Variants in UFSP2 observed in about 807,000 individuals in gnomAD.
UFSP2 encodes the protein ufm1-specific protease 2.
A neutral mutation model predicts 60.2 loss-of-function variants in UFSP2; 43 were observed. The ratio of observed to expected loss-of-function variants is 0.71; its 90% confidence interval spans 0.56 to 0.92. The LOEUF is 0.92. Among genes scored for constraint, UFSP2 ranks in the 40% least tolerant of loss-of-function variants. The pLI is 0.00. For missense variants in UFSP2, 520 were observed against 575.0 expected, an observed-to-expected ratio of 0.90 and a Z score of 0.98; for synonymous variants, 183 against 195.1, an observed-to-expected ratio of 0.94 and a Z score of 0.52.
At chr4:185,406,007 A>C in intron 9 of UFSP2, 151 bp from the exon 10 acceptor site, 1 of 1,491,440 alleles carries the variant, frequency 6.7e-7, no homozygotes, top group South Asian at 1.2e-5. Context: ...GGGAACTGAG[A>C]GCAATTAAAC....
At chr4:185,406,330 G>C (rs1385193040) in intron 9 of UFSP2, among the ~76,000 whole-genome samples, 3 of 152,140 alleles carry the variant, frequency 2.0e-5, no homozygotes, top group Non-Finnish European at 4.4e-5. Context: ...TAAAATACAT[G>C]TCTGTGAAAT....
In UFSP2 at chr4:185,413,717, T is replaced by TA. The variant is rs763165910; in HGVS notation, c.831+8dup. On this transcript the variant is annotated intron_variant, in intron 7 of 11. Transcript: ENST00000264689. ...CCAGTGACTCCCATAAATAATTAGT[T>TA]AAACTCACCATACCAGTCTCCATGT... 24 of 1,599,906 alleles carry TA rather than the reference T, an allele frequency of 1.5e-5. No homozygotes were observed. The African/African-American group carries it at 2.4e-4, about 16-fold the overall frequency.
chr4:185,408,434 A>C lies in UFSP2; in HGVS notation c.833T>G (p.Ile278Ser), dbSNP rs1335774628. Residue 278 changes from isoleucine to serine, a missense_variant and splice_region_variant, in exon 8 of 12, where the codon ATT becomes AGT. Coordinates refer to ENST00000264689, the MANE Select transcript of UFSP2 (RefSeq NM_018359.5). ...GCCATATATGCCCTGGACCACATAAATCTATATACAGAGAAGAAACACAGT... is the reference window on the plus strand; with the variant it reads ...GCCATATATGCCCTGGACCACATAACTCTATATACAGAGAAGAAACACAGT... The part of the protein sequence containing the change: ...LNPPNMETGM[I>S]YVVQGIYGYH... The C allele has an allele frequency of 1.9e-6, 3 of 1,613,118 alleles. No individual in the cohort carries two copies. The highest frequency in any genetic ancestry group is 2.5e-6 in the Non-Finnish European group (3 of 1,179,504).
At chr4:185,420,355 G>A (rs535026900) in intron 2 of UFSP2, among the ~76,000 whole-genome samples, 92 of 151,970 alleles carry the variant, frequency 6.1e-4, no homozygotes, top group Non-Finnish European at 7.4e-4. Context: ...ACATTTTTAC[G>A]TTTCCAAAGT....
intron 4 of UFSP2, among the ~76,000 whole-genome samples, chr4:185,417,617 A>G (rs1047802579): frequency 6.6e-6 from 1 of 152,074 alleles, no homozygotes; most frequent in African/African-American, 2.4e-5. Flanking sequence ...TTCTTCCTCT[A>G]CCAGCCTGGA....
At chr4:185,417,723 C>T (rs1284436432) in intron 4 of UFSP2, among the ~76,000 whole-genome samples, 2 of 152,112 alleles carry the variant, frequency 1.3e-5, no homozygotes, top group African/African-American at 2.4e-5. Flanking sequence ...TGGCACATGG[C>T]AGGTACTCAG....
At chr4:185,417,140 T>A (rs377344388) in intron 4 of UFSP2, among the ~76,000 whole-genome samples, 1 of 152,352 alleles carries the variant, frequency 6.6e-6, no homozygotes, top group African/African-American at 2.4e-5. Context: ...AACTGTCTCT[T>A]TCATACCATG....
At chr4:185,413,670 A>G (rs2095533415) in intron 7 of UFSP2, 56 bp downstream of exon 7, 3 of 1,516,508 alleles carry the variant, frequency 2.0e-6, no homozygotes, top group Admixed American at 4.4e-5. Flanking sequence ...ACCAACAAAA[A>G]ACAACTAATA....
In UFSP2 at chr4:185,400,000, C is replaced by T. The variant is rs1238066905; in HGVS notation, c.*392G>A. ...TTTAAAAAAAAGTTTTTAATGTTAA[C>T]GTGTTTTTAAAAACAGATGTCACGT... is the stretch of plus-strand genomic sequence containing the variant. On this transcript the variant is annotated 3_prime_UTR_variant, in exon 12 of 12. Transcript: ENST00000264689. 6.9e-6 allele frequency: 11 copies of T among 1,600,910 alleles called. No homozygotes were observed. The highest frequency in any genetic ancestry group is 9.3e-6 in the Non-Finnish European group (11 of 1,176,940).
At chr4:185,410,963 AAG>A (rs1187005654) in intron 7 of UFSP2, among the ~76,000 whole-genome samples, 1 of 147,230 alleles carries the variant, frequency 6.8e-6, no homozygotes, top group Non-Finnish European at 1.5e-5. Context: ...AAAAAAAAGA[AAG>A]AAAGAAATAT....
chr4:185,403,496 T>C lies in UFSP2; in HGVS notation c.1321A>G (p.Lys441Glu). Residue 441 changes from lysine (K) to glutamate (E), a missense_variant and splice_region_variant, in exon 11 of 12, where the codon AAG becomes GAG. By Grantham distance (56) the Lys-to-Glu change is moderately conservative. Coordinates refer to ENST00000264689, the MANE Select transcript of UFSP2 (RefSeq NM_018359.5). ...ATTTGTGTTAAATGGATACTTACCT[T>C]TTCCAAAATAACTTGCAGGTCTTCA... ...GAEDLQVILE[K>E]GWCGWKGPDF... 3.3e-5 allele frequency: 53 copies of C among 1,612,416 alleles called. No homozygotes were observed. The highest frequency in any genetic ancestry group is 4.5e-5 in the Non-Finnish European group (53 of 1,179,588).
chr4:185,404,304 T>G (rs2095517412), intron 10 of UFSP2, among the ~76,000 whole-genome samples: 1 of 146,886 alleles, frequency 6.8e-6, no homozygotes, highest in Admixed American at 6.8e-5. Flanking sequence ...TTTTTTTTTT[T>G]TTTTTTTTTT....
chr4:185,399,814 A>T lies in UFSP2; in HGVS notation c.*578T>A, dbSNP rs2095511034. On this transcript the variant is annotated 3_prime_UTR_variant, in exon 12 of 12. Transcript: ENST00000264689. ...CTGCTGCTTTTTTCCTCCCGCAGTGATCTCTTGTTTGCATAGCATTTATTA... is the reference window on the plus strand; with the variant it reads ...CTGCTGCTTTTTTCCTCCCGCAGTGTTCTCTTGTTTGCATAGCATTTATTA... 6.2e-7 allele frequency: 1 copy of T among 1,611,432 alleles called. No individual in the cohort carries two copies. Among genetic ancestry groups the T allele is most frequent in the African/African-American group, 1.3e-5 (1 of 74,784 alleles).
intron 1 of UFSP2, among the ~76,000 whole-genome samples, chr4:185,424,693 C>G (rs2095555932): frequency 6.6e-6 from 1 of 152,110 alleles, no homozygotes; most frequent in Non-Finnish European, 1.5e-5. Flanking sequence ...AGTATGTACC[C>G]ATTTAAATAA....
In UFSP2 at chr4:185,399,762, A is replaced by C. The variant is rs534567513; in HGVS notation, c.*630T>G. On this transcript the variant is annotated 3_prime_UTR_variant, in exon 12 of 12. Transcript: ENST00000264689. ...GAAGTGTAGAAAATACCAGTGGGAA[A>C]AGGAAGTGCTGGTAAGTAACTCAGA... The C allele has an allele frequency of 1.2e-6, 2 of 1,614,096 alleles. No individual in the cohort carries two copies. The highest frequency in any genetic ancestry group is 3.3e-5 in the Admixed American group (2 of 60,018).
intron 7 of UFSP2, among the ~76,000 whole-genome samples, chr4:185,411,766 A>G (rs995052274): frequency 1.3e-5 from 2 of 152,240 alleles, no homozygotes; most frequent in Admixed American, 6.5e-5. Context: ...CTAAACAGCA[A>G]AAAAACTTGG....
chr4:185,402,807 CTTTAG>C (rs2095514901), intron 11 of UFSP2, among the ~76,000 whole-genome samples: 5 of 152,118 alleles, frequency 3.3e-5, no homozygotes, highest in Non-Finnish European at 1.5e-5. Flanking sequence ...AACATTTTAT[CTTTAG>C]TTTATAGTTT....
In UFSP2 at chr4:185,413,743, T is replaced by C; in HGVS notation, c.814A>G (p.Asn272Asp). ...AAACTCACCATACCAGTCTCCATGTTAGGTGGATTAAGGTAAGTATGTGGA... is the reference window on the plus strand; with the variant it reads ...AAACTCACCATACCAGTCTCCATGTCAGGTGGATTAAGGTAAGTATGTGGA... ...RNPHTYLNPP[N>D]METGMIYVVQ... Residue 272 changes from asparagine to aspartate, a missense_variant, in exon 7 of 12, where the codon AAC (asparagine) becomes GAC (aspartate). By Grantham distance (23) the Asn-to-Asp change is conservative. Coordinates refer to ENST00000264689, the MANE Select transcript of UFSP2 (RefSeq NM_018359.5). 1 of 1,611,530 alleles carries C rather than the reference T, an allele frequency of 6.2e-7. No individual in the cohort carries two copies. Among genetic ancestry groups the C allele is most frequent in the Non-Finnish European group, 8.5e-7 (1 of 1,179,218 alleles).
rs1487605362 is a variant in UFSP2 at position 185,403,975 on chromosome 4, AAAC to A, written c.1199-360_1199-358del. Among the ~76,000 whole-genome samples the A allele has an allele frequency of 1.3e-5, 2 of 149,824 alleles. 1 individual carries two copies. Among genetic ancestry groups the A allele is most frequent in the Non-Finnish European group, 3.0e-5 (2 of 67,402 alleles). On this transcript the variant is annotated intron_variant, in intron 10 of 11. Coordinates refer to ENST00000264689, the MANE Select transcript of UFSP2 (RefSeq NM_018359.5). ...GACACAGCAAGACTCTCAAAAAAAA[AAAC>A]AAAAAAAAACAACATTACTTTGCTT...
Sources: allele counts gnomAD v4.1 joint callset (sites outside exome capture counted in the v4.1 genomes callset), GRCh38; gene constraint gnomAD v4.1.1; transcripts MANE v1.5; gene names NCBI Gene and HGNC (gene_info 2026-07-23, HGNC 2026-07-21).